Variants in KCNIP4 observed in about 807,000 individuals in gnomAD.
The protein encoded by KCNIP4 is Kv channel-interacting protein 4.
In KCNIP4, 12 loss-of-function variants were observed where a neutral mutation model predicts 34.0. The ratio of observed to expected loss-of-function variants is 0.35; its 90% CI spans 0.23 to 0.57. The LOEUF is 0.57. Among genes scored for constraint, KCNIP4 ranks in the 20% least tolerant of loss-of-function variants. The probability of loss-of-function intolerance (pLI) is 0.83; values close to 1 mark genes in which losing one functional copy is unlikely to be tolerated. For missense variants in KCNIP4, 238 were observed against 311.7 expected (o/e 0.76, Z 1.78); for synonymous variants, 124 against 102.2 (o/e 1.21, Z -1.29).
At chr4:21,242,036 T>C (rs1213690884) in intron 1 of KCNIP4, among the ~76,000 whole-genome samples, 3 of 151,540 alleles carry the variant, frequency 2.0e-5, no homozygotes, top group Non-Finnish European at 4.4e-5. Context: ...TGGTGGTGGG[T>C]GCCTGCAGTC....
intron 1 of KCNIP4, among the ~76,000 whole-genome samples, chr4:21,045,619 G>A (rs943283040): frequency 1.3e-5 from 2 of 152,162 alleles, no homozygotes; most frequent in African/African-American, 4.8e-5. Flanking sequence ...CGTAGATCGT[G>A]TAGAAATTTA....
At chr4:20,968,144 G>A (rs1734561510) in intron 1 of KCNIP4, among the ~76,000 whole-genome samples, 1 of 152,164 alleles carries the variant, frequency 6.6e-6, no homozygotes, top group Admixed American at 6.5e-5. Flanking sequence ...CTCAAAAGAA[G>A]ACATTTATGC....
In KCNIP4 at chr4:21,868,324, C is replaced by T. The variant is rs144074085; in HGVS notation, c.61+80247G>A. 1.3e-4 allele frequency among the ~76,000 whole-genome samples: 20 copies of T among 152,222 alleles called. No homozygotes were observed. The South Asian group carries it at 1.5e-3, about 11-fold the overall frequency. ...TTTTATCAAGGGGATGTACACATTA[C>T]GCATTTTATATGTGTATATTGTACC... On this transcript the variant is annotated intron_variant, in intron 1 of 8. Coordinates refer to ENST00000382152, the MANE Select transcript of KCNIP4 (RefSeq NM_025221.6).
intron 3 of KCNIP4, among the ~76,000 whole-genome samples, chr4:20,784,288 A>G (rs1341308082): frequency 6.6e-6 from 1 of 152,166 alleles, no homozygotes; most frequent in Non-Finnish European, 1.5e-5. Context: ...ACTGAGGCAA[A>G]GAATGTTAAA....
chr4:20,772,083 C>T (rs1041056178), intron 3 of KCNIP4, among the ~76,000 whole-genome samples: 7 of 152,128 alleles, frequency 4.6e-5, no homozygotes, highest in Admixed American at 4.6e-4. Context: ...GATGTTTTAC[C>T]ACACAATGTT....
At chr4:20,877,444 A>G (rs1423148984) in intron 2 of KCNIP4, among the ~76,000 whole-genome samples, 1 of 152,136 alleles carries the variant, frequency 6.6e-6, no homozygotes, top group East Asian at 1.9e-4. Context: ...ACTGAATCAT[A>G]GAATTTCAGT....
At chr4:20,901,965 A>G (rs528437018) in intron 1 of KCNIP4, among the ~76,000 whole-genome samples, 1 of 151,990 alleles carries the variant, frequency 6.6e-6, no homozygotes. Context: ...TTTGAATACT[A>G]TCATAGAGAC....
intron 1 of KCNIP4, among the ~76,000 whole-genome samples, chr4:21,061,396 T>C (rs772175266): frequency 1.3e-4 from 20 of 152,120 alleles, no homozygotes; most frequent in Non-Finnish European, 1.9e-4. Flanking sequence ...ATAATTTTTC[T>C]TTTTCATAAC....
At chr4:21,324,038 T>C (rs1028142058) in intron 1 of KCNIP4, among the ~76,000 whole-genome samples, 10 of 152,066 alleles carry the variant, frequency 6.6e-5, no homozygotes, top group African/African-American at 2.2e-4. Flanking sequence ...TTGGCAACTA[T>C]ACCTTTTCTT....
At chr4:21,314,717 G>C (rs2109283189) in intron 1 of KCNIP4, among the ~76,000 whole-genome samples, 1 of 152,318 alleles carries the variant, frequency 6.6e-6, no homozygotes, top group East Asian at 1.9e-4. Flanking sequence ...AAGGAAAGGA[G>C]AATGGCCAGA....
At chr4:21,136,053 A>G (rs964014285) in intron 1 of KCNIP4, among the ~76,000 whole-genome samples, 5 of 152,186 alleles carry the variant, frequency 3.3e-5, no homozygotes, top group Non-Finnish European at 5.9e-5. Flanking sequence ...TAAATATACT[A>G]TGTAGATATC....
At chr4:20,761,957 G>T (rs1754995607) in intron 3 of KCNIP4, among the ~76,000 whole-genome samples, 1 of 152,078 alleles carries the variant, frequency 6.6e-6, no homozygotes, top group South Asian at 2.1e-4. Context: ...TAGGAACTGG[G>T]ACTGCTACAA....
At chr4:21,391,184 C>A (rs62295472) in intron 1 of KCNIP4, among the ~76,000 whole-genome samples, 32,317 of 152,022 alleles carry the variant, frequency 0.21, 4,170 homozygotes, top group Non-Finnish European at 0.29. Flanking sequence ...TAAGTAATTT[C>A]TATACTTAGT....
intron 1 of KCNIP4, among the ~76,000 whole-genome samples, chr4:21,526,242 T>G (rs904379028): frequency 6.6e-6 from 1 of 152,090 alleles, no homozygotes; most frequent in Non-Finnish European, 1.5e-5. Context: ...CCAGGGCTGA[T>G]CTTGTGATAG....
intron 1 of KCNIP4, among the ~76,000 whole-genome samples, chr4:21,236,395 T>C (rs531883282): frequency 2.6e-5 from 4 of 152,320 alleles, no homozygotes; most frequent in East Asian, 1.9e-4. Flanking sequence ...CTTTTCATAA[T>C]GTCAATTTCA....
At chr4:21,528,665 T>C (rs1434975718) in intron 1 of KCNIP4, among the ~76,000 whole-genome samples, 2 of 135,532 alleles carry the variant, frequency 1.5e-5, no homozygotes, top group East Asian at 4.3e-4. Flanking sequence ...AGACTCTGTC[T>C]CATAAAAAAC....
chr4:21,128,547 A>C (rs994037760), intron 1 of KCNIP4, among the ~76,000 whole-genome samples: 2 of 152,184 alleles, frequency 1.3e-5, no homozygotes, highest in African/African-American at 4.8e-5. Context: ...AGGCACCAAA[A>C]GTGCAGATGT....
At chr4:21,176,889 A>C (rs1401587310) in intron 1 of KCNIP4, among the ~76,000 whole-genome samples, 1 of 152,226 alleles carries the variant, frequency 6.6e-6, no homozygotes. Context: ...TTTTCCTCAG[A>C]GCCTGCTTTC....
At chr4:21,456,763 C>T (rs1414868158) in intron 1 of KCNIP4, among the ~76,000 whole-genome samples, 1 of 127,840 alleles carries the variant, frequency 7.8e-6, no homozygotes, top group East Asian at 2.1e-4. Flanking sequence ...GTGGTCCCCA[C>T]TGTTCTCACA....
Sources: gnomAD v4.1 joint callset for allele counts (sites outside exome capture counted in the v4.1 genomes callset) on GRCh38, gnomAD v4.1.1 for gene constraint, MANE v1.5 for transcripts, NCBI Gene and HGNC (gene_info 2026-07-23, HGNC 2026-07-21) for gene names.